OVCH1: variants seen among roughly 807,000 people sequenced by gnomAD.
OVCH1 encodes the protein ovochymase-1.
OVCH1 carries 139 observed loss-of-function variants against 138.4 expected under a neutral mutation model. That is an observed-to-expected ratio of 1.00 (90% CI 0.87 to 1.16). The LOEUF (loss-of-function observed/expected upper bound fraction) is 1.16, where lower values mean the gene tolerates loss of function less well. Among genes scored for constraint, OVCH1 ranks in the 50% most tolerant of loss-of-function variants. The pLI is 0.00. For synonymous variants in OVCH1, 453 were observed against 467.8 expected (o/e 0.97, Z 0.41); for missense variants, 1,367 against 1,357.9 (o/e 1.01, Z -0.11).
exon 7 of OVCH1, chr12:29,487,815 G>A (rs1026882491): frequency 6.8e-6 from 11 of 1,608,212 alleles, no homozygotes; most frequent in Admixed American, 1.7e-5. Context: ...AGCTACCCAG[G>A]AAGTTATCCC....
intron 13 of OVCH1, among the ~76,000 whole-genome samples, chr12:29,475,665 T>C (rs1367112226): frequency 1.3e-5 from 2 of 152,142 alleles, no homozygotes; most frequent in Non-Finnish European, 2.9e-5. Context: ...AACCAATCTA[T>C]AATCCTAGCC....
At chr12:29,461,246 G>A (rs75323451) in intron 19 of OVCH1, among the ~76,000 whole-genome samples, 59 of 152,318 alleles carry the variant, frequency 3.9e-4, no homozygotes, top group East Asian at 3.9e-3. Context: ...GGCACACGGA[G>A]TGTTAGGAAG....
intron 16 of OVCH1, among the ~76,000 whole-genome samples, chr12:29,468,316 G>A (rs1228493876): frequency 6.6e-6 from 1 of 152,018 alleles, no homozygotes; most frequent in Non-Finnish European, 1.5e-5. Flanking sequence ...TATTTTTAAA[G>A]AAATTAAGAA....
exon 4 of OVCH1, chr12:29,495,376 G>A (rs1592124747): frequency 6.2e-7 from 1 of 1,613,220 alleles, no homozygotes. Flanking sequence ...TAATTTTTGA[G>A]ACAGGAATAT....
At chr12:29,471,670 G>A (rs1258463819) in intron 16 of OVCH1, 132 bp downstream of exon 16, 6 of 1,042,106 alleles carry the variant, frequency 5.8e-6, no homozygotes, top group Non-Finnish European at 8.1e-6. Flanking sequence ...AGATGGCTAT[G>A]CAGAAGAAAC....
intron 21 of OVCH1, among the ~76,000 whole-genome samples, chr12:29,452,734 C>G (rs1469404866): frequency 6.6e-6 from 1 of 152,074 alleles, no homozygotes. Context: ...ACCAACAAGT[C>G]AAGACTTTTT....
At chr12:29,483,774 T>C (rs958939731) in intron 8 of OVCH1, among the ~76,000 whole-genome samples, 3 of 152,180 alleles carry the variant, frequency 2.0e-5, no homozygotes, top group East Asian at 1.9e-4. Context: ...TCTTCAGTAT[T>C]AGAGCTACCA....
intron 14 of OVCH1, 120 bp from the exon 15 acceptor site, chr12:29,473,223 C>G (rs1942577653): frequency 3.1e-6 from 2 of 650,204 alleles, no homozygotes; most frequent in South Asian, 2.0e-5. Flanking sequence ...CACTACCATT[C>G]ATACACTAGA....
At chr12:29,479,824 C>CTTTTTTTTTTTTTTTTTTT in intron 8 of OVCH1, among the ~76,000 whole-genome samples, 1 of 128,384 alleles carries the variant, frequency 7.8e-6, no homozygotes, top group Non-Finnish European at 1.6e-5. Context: ...TCTTTTTTTT[C>CTTTTTTTTTTTTTTTTTTT]TTTTTTTTTT....
downstream of OVCH1, among the ~76,000 whole-genome samples, chr12:29,425,246 A>G (rs899857244): frequency 1.3e-5 from 2 of 152,214 alleles, no homozygotes; most frequent in African/African-American, 4.8e-5. Context: ...TCCACCGAGT[A>G]CGGTATTTCA....
chr12:29,474,958 C>T lies in OVCH1; in HGVS notation c.1600+103G>A. 5 of 1,283,460 alleles carry T rather than the reference C, an allele frequency of 3.9e-6. No individual in the cohort carries two copies. In the South Asian group the frequency reaches 6.5e-5, roughly 17 times the overall value. 79.5% of individuals were successfully genotyped at this position (1,283,460 alleles called of 1,614,324 possible). ...AAATCTGCATTTTTGTTATGCTTAC[C>T]AAGGGGATTGCTATACTACATTGAG... On this transcript the variant is annotated intron_variant, in intron 14 of 27. Coordinates refer to ENST00000318184, the Ensembl canonical transcript of OVCH1.
chr12:29,459,631 AT>A (rs1450545485), intron 19 of OVCH1, among the ~76,000 whole-genome samples: 3 of 152,272 alleles, frequency 2.0e-5, no homozygotes, highest in African/African-American at 7.2e-5. Context: ...CTAAAACGAT[AT>A]GATTGGATTG....
downstream of OVCH1, among the ~76,000 whole-genome samples, chr12:29,424,164 TTAAC>T (rs1941146044): frequency 6.6e-6 from 1 of 152,218 alleles, no homozygotes; most frequent in South Asian, 2.1e-4. Context: ...AGATTATAGA[TTAAC>T]TAAAAGTATT....
chr12:29,410,931 G>T (rs146749983), downstream of OVCH1, among the ~76,000 whole-genome samples: 2 of 151,886 alleles, frequency 1.3e-5, no homozygotes, highest in Non-Finnish European at 1.5e-5. Context: ...CATTCTCCCC[G>T]TCACCTTCAG....
chr12:29,489,189 A>G (rs780453465), intron 6 of OVCH1, among the ~76,000 whole-genome samples: 2 of 152,200 alleles, frequency 1.3e-5, no homozygotes, highest in Admixed American at 6.5e-5. Flanking sequence ...GTTATTCCCA[A>G]TATCTCTTAC....
At chr12:29,425,287 C>T (rs2135891460), downstream of OVCH1, among the ~76,000 whole-genome samples, 1 of 152,258 alleles carries the variant, frequency 6.6e-6, no homozygotes, top group African/African-American at 2.4e-5. Context: ...ACAGAAAACA[C>T]ATTTATAAAG....
Position 29,487,735 on chromosome 12 carries a change from CTT to C in OVCH1, c.848_849del (p.Lys283SerfsTer3), listed in dbSNP as rs1343472812. On this transcript the variant is annotated frameshift_variant, in exon 7 of 28. Transcript: ENST00000318184. LOFTEE classifies it high-confidence loss of function. ...GTGATAAAATCCATCAACTCAGACA[CTT>C]TGGAGAAAATGCCAAGTGATGCCTT... 6.2e-7 allele frequency: 1 copy of C among 1,604,666 alleles called. No individual in the cohort carries two copies. The highest frequency in any genetic ancestry group is 8.5e-7 in the Non-Finnish European group (1 of 1,174,574).
downstream of OVCH1, chr12:29,423,016 T>C (rs1371248421): frequency 4.1e-6 from 1 of 241,866 alleles, no homozygotes; most frequent in Non-Finnish European, 8.3e-6. Flanking sequence ...GATATCCTTT[T>C]CTTTTTTTAG....
At chr12:29,441,847 T>C in intron 25 of OVCH1, among the ~76,000 whole-genome samples, 1 of 152,156 alleles carries the variant, frequency 6.6e-6, no homozygotes, top group Non-Finnish European at 1.5e-5. Flanking sequence ...AAGACATTTA[T>C]GCAGCCAAAA....
Sources: gnomAD v4.1 joint callset for allele counts (sites outside exome capture counted in the v4.1 genomes callset) on GRCh38, gnomAD v4.1.1 for gene constraint, MANE v1.5 for transcripts, NCBI Gene and HGNC (gene_info 2026-07-23, HGNC 2026-07-21) for gene names.